PPHLN1: variants seen among roughly 807,000 people sequenced by gnomAD.
PPHLN1 encodes the protein periphilin-1.
PPHLN1 carries 29 observed loss-of-function variants against 51.3 expected under a neutral mutation model. The ratio of observed to expected loss-of-function variants is 0.57; its 90% confidence interval spans 0.42 to 0.77. The LOEUF (loss-of-function observed/expected upper bound fraction) is 0.77. Among genes scored for constraint, PPHLN1 ranks in the 30% least tolerant of loss-of-function variants. PPHLN1 has a pLI of 0.00. For missense variants in PPHLN1, 436 were observed against 438.4 expected, an observed-to-expected ratio of 0.99 and a Z score of 0.05; for synonymous variants, 147 against 147.8, an observed-to-expected ratio of 0.99 and a Z score of 0.04.
intron 9 of PPHLN1, among the ~76,000 whole-genome samples, chr12:42,435,870 T>C (rs999139592): frequency 6.6e-6 from 1 of 152,330 alleles, no homozygotes; most frequent in South Asian, 2.1e-4. Context: ...CCATGACAAC[T>C]CTGCTAAATA....
At chr12:42,341,218 G>C (rs2071448122) in intron 2 of PPHLN1, among the ~76,000 whole-genome samples, 1 of 151,998 alleles carries the variant, frequency 6.6e-6, no homozygotes, top group Non-Finnish European at 1.5e-5. Flanking sequence ...CCTGACCTCA[G>C]GTGATCCGCC....
At chr12:42,360,119 A>AAAAAAAAAAAAAAAAAAAG (rs755925900) in intron 4 of PPHLN1, among the ~76,000 whole-genome samples, 2 of 150,290 alleles carry the variant, frequency 1.3e-5, no homozygotes, top group African/African-American at 2.4e-5. Context: ...TCAAAAAAAA[A>AAAAAAAAAAAAAAAAAAAG]AAAAGAAAAA....
intron 6 of PPHLN1, chr12:42,386,832 T>C (rs1467744915): frequency 2.0e-5 from 3 of 152,222 alleles, no homozygotes; most frequent in African/African-American, 4.8e-5. Flanking sequence ...AAAAATAATA[T>C]ACATACAGCA....
chr12:42,341,063 C>T (rs991058267), intron 2 of PPHLN1, among the ~76,000 whole-genome samples: 13 of 151,012 alleles, frequency 8.6e-5, no homozygotes, highest in African/African-American at 2.4e-4. Flanking sequence ...TCACTGCAAC[C>T]TCTGCCTCCC....
chr12:42,344,332 AAT>A (rs1441431035), intron 2 of PPHLN1, among the ~76,000 whole-genome samples: 2 of 152,212 alleles, frequency 1.3e-5, no homozygotes, highest in Non-Finnish European at 2.9e-5. Flanking sequence ...TATAAGGGGA[AAT>A]ATCAAGCATA....
At chr12:42,347,735 G>GC (rs2072576753) in intron 2 of PPHLN1, among the ~76,000 whole-genome samples, 1 of 152,138 alleles carries the variant, frequency 6.6e-6, no homozygotes. Flanking sequence ...AGCTGAGATT[G>GC]CACCACCGCA....
At chr12:42,406,509 AT>A (rs1413906775) in intron 9 of PPHLN1, among the ~76,000 whole-genome samples, 1 of 152,080 alleles carries the variant, frequency 6.6e-6, no homozygotes, top group Non-Finnish European at 1.5e-5. Context: ...TATGGTTTTA[AT>A]TTGCATTTGC....
chr12:42,446,947 A>G (rs1299029347), downstream of PPHLN1: 2 of 272,988 alleles, frequency 7.3e-6, no homozygotes, highest in Non-Finnish European at 1.4e-5. Context: ...GGGGGCGACA[A>G]TGTTCATTAC....
intron 4 of PPHLN1, among the ~76,000 whole-genome samples, chr12:42,355,858 A>G (rs1357917366): frequency 1.3e-5 from 2 of 151,970 alleles, no homozygotes; most frequent in African/African-American, 4.8e-5. Context: ...ATTTGATTTG[A>G]TAGGTTTGCT....
Position 42,351,564 on chromosome 12 carries a change from G to A in PPHLN1, c.73-321G>A, listed in dbSNP as rs1160645544. ...ATTTCTAAAATTGTTAGGCAATTAG[G>A]GATAGAGCTACTGTAACATTCTGTC... On this transcript the variant is annotated intron_variant, in intron 2 of 9. Coordinates refer to ENST00000358314, the MANE Select transcript of PPHLN1 (RefSeq NM_201439.2). 3 of 168,802 alleles carry A rather than the reference G, an allele frequency of 1.8e-5. No individual in the cohort carries two copies. In the Admixed American group the frequency reaches 1.9e-4, roughly 11 times the overall value. 10.5% of individuals were successfully genotyped at this position (168,802 alleles called of 1,614,324 possible).
chr12:42,349,576 C>G (rs1333754934), intron 2 of PPHLN1, among the ~76,000 whole-genome samples: 1 of 152,078 alleles, frequency 6.6e-6, no homozygotes, highest in African/African-American at 2.4e-5. Context: ...GTTTGTGTCC[C>G]TGGGTACTTG....
chr12:42,422,081 G>C (rs2139703910), intron 9 of PPHLN1, among the ~76,000 whole-genome samples: 1 of 152,284 alleles, frequency 6.6e-6, no homozygotes, highest in African/African-American at 2.4e-5. Flanking sequence ...CACAGGGTCA[G>C]ATTTCAGCAC....
intron 9 of PPHLN1, among the ~76,000 whole-genome samples, chr12:42,415,843 A>G (rs747629518): frequency 6.6e-6 from 1 of 152,234 alleles, no homozygotes; most frequent in African/African-American, 2.4e-5. Flanking sequence ...AAAAAGCTCA[A>G]GTGACTTGTT....
At chr12:42,434,847 C>G (rs1301123346) in intron 9 of PPHLN1, among the ~76,000 whole-genome samples, 2 of 152,286 alleles carry the variant, frequency 1.3e-5, no homozygotes, top group African/African-American at 4.8e-5. Flanking sequence ...GTGCATGCCA[C>G]CATGGCTGGC....
At chr12:42,350,102 C>T (rs1370170494) in intron 2 of PPHLN1, 13 of 150,282 alleles carry the variant, frequency 8.7e-5, no homozygotes, top group Non-Finnish European at 1.2e-4. Context: ...GGGCGGCTGC[C>T]GGGCGGGGGC....
In PPHLN1 at chr12:42,387,476, T is replaced by G; in HGVS notation, c.589T>G (p.Ser197Ala). The G allele has an allele frequency of 6.2e-7, 1 of 1,613,336 alleles. No individual in the cohort carries two copies. Among genetic ancestry groups the G allele is most frequent in the Admixed American group, 1.7e-5 (1 of 59,932 alleles). Residue 197 changes from serine (S) to alanine (A), a missense_variant, in exon 7 of 10, where the codon TCT becomes GCT. Ser to Ala is a moderately conservative substitution (Grantham distance 99). Transcript: ENST00000358314. ...TATAGATAAAGAGAGGCCTGTCCAG[T>G]CTTTGAAAACATCAAGAGATACTTC... is the stretch of plus-strand genomic sequence containing the variant. Reference protein sequence around the residue: ...PERDKERPVQSLKTSRDTSPS... With the variant: ...PERDKERPVQALKTSRDTSPS...
intron 1 of PPHLN1, chr12:42,329,890 A>G (rs2069436481): frequency 6.6e-6 from 1 of 152,182 alleles, no homozygotes; most frequent in African/African-American, 2.4e-5. Flanking sequence ...CAGTGGGCCC[A>G]GGAGACCAAC....
intron 9 of PPHLN1, among the ~76,000 whole-genome samples, chr12:42,435,768 C>T (rs1217785026): frequency 6.6e-6 from 1 of 152,102 alleles, no homozygotes; most frequent in Non-Finnish European, 1.5e-5. Flanking sequence ...TTATTTTCCA[C>T]TTTAATGGTA....
chr12:42,358,629 C>T (rs1328300300), intron 4 of PPHLN1, among the ~76,000 whole-genome samples: 2 of 152,158 alleles, frequency 1.3e-5, no homozygotes, highest in Non-Finnish European at 2.9e-5. Flanking sequence ...TGGTCTTGAA[C>T]TCCTGGGCTC....
Sources: gnomAD v4.1 joint callset for allele counts (sites outside exome capture counted in the v4.1 genomes callset) on GRCh38, gnomAD v4.1.1 for gene constraint, MANE v1.5 for transcripts, NCBI Gene and HGNC (gene_info 2026-07-23, HGNC 2026-07-21) for gene names.